The following TOP1 variants were observed in gnomAD, a reference collection of about 807,000 sequenced individuals.
The protein encoded by TOP1 is DNA topoisomerase I.
In TOP1, 10 loss-of-function variants were observed where a neutral mutation model predicts 111.1. The observed-to-expected ratio is 0.09, with a 90% CI of 0.06 to 0.15. The LOEUF (loss-of-function observed/expected upper bound fraction) is 0.15. TOP1 is among the 10% of genes least tolerant of loss of function. The probability of loss-of-function intolerance (pLI) is 1.00; values close to 1 mark genes in which losing one functional copy is unlikely to be tolerated. For synonymous variants in TOP1, 271 were observed against 302.9 expected (o/e 0.89, Z 1.10); for missense variants, 474 against 926.7 (o/e 0.51, Z 6.34).
At position 41,080,139 on chromosome 20, in the gene TOP1, A is replaced by G; in HGVS notation, c.390A>G (p.Lys130=). 6.2e-7 allele frequency: 1 copy of G among 1,611,602 alleles called. No homozygotes were observed. Among genetic ancestry groups the G allele is most frequent in the South Asian group, 1.1e-5 (1 of 90,760 alleles). ...ATGATGGCTATTTTGTTCCTCCTAAAGAGGATATAAAGCCATTAAAGAGAC... is the reference window on the plus strand; with the variant it reads ...ATGATGGCTATTTTGTTCCTCCTAAGGAGGATATAAAGCCATTAAAGAGAC... ...PEDDGYFVPP[K]EDIKPLKRPR... is the part of the protein sequence containing the mutation. The change falls in exon 6 of 21, where the codon AAA becomes AAG. Residue 130 remains lysine, a synonymous_variant. Coordinates refer to ENST00000361337, the MANE Select transcript of TOP1 (RefSeq NM_003286.4). The surrounding 1 kb of genome is among the most constrained non-coding windows in gnomAD (Gnocchi z 5.0).
rs554655491 is a variant in TOP1 at position 41,080,240 on chromosome 20, ATG to A, written c.431+63_431+64del. ...CAAAAAGGAGGAGTTTAAAGAATAA[ATG>A]TGATGTGTTTCTTTATAATACATAT... is the stretch of plus-strand genomic sequence containing the variant. On this transcript the variant is annotated intron_variant, in intron 6 of 20. Transcript: ENST00000361337. The surrounding 1 kb of genome is among the most constrained non-coding windows in gnomAD (Gnocchi z 5.0). 68 of 1,018,774 alleles carry A rather than the reference ATG, an allele frequency of 6.7e-5. No individual in the cohort carries two copies. The South Asian group carries it at 9.5e-4, about 14-fold the overall frequency. 63.1% of individuals were successfully genotyped at this position (1,018,774 alleles called of 1,614,324 possible).
rs1305239508 is a variant in TOP1, at chr20:41,030,797, A to G, written c.58+1342A>G. 6.6e-6 allele frequency among the ~76,000 whole-genome samples: 1 copy of G among 152,176 alleles called. No homozygotes were observed. Among genetic ancestry groups the G allele is most frequent in the Non-Finnish European group, 1.5e-5 (1 of 68,036 alleles). On this transcript the variant is annotated intron_variant, in intron 2 of 20. Coordinates refer to ENST00000361337, the MANE Select transcript of TOP1 (RefSeq NM_003286.4). The surrounding 1 kb of genome is among the most constrained non-coding windows in gnomAD (Gnocchi z 4.1). ...ATGTTAGCCTGCTCTACTGAGAGCA[A>G]CCTTATGTTCAGAGTTTGAAGTGGG...
In TOP1 at chr20:41,055,907, C is replaced by T. The variant is rs544254889; in HGVS notation, c.59-5487C>T. Among the ~76,000 whole-genome samples, 4 of 152,272 alleles carry T rather than the reference C, an allele frequency of 2.6e-5. No homozygotes were observed. In the South Asian group the frequency reaches 6.2e-4, roughly 24 times the overall value. ...GGCCAGTCTTCTTGCCATGCCCTCA[C>T]ATAATAACACAAAAATGAAGGGTTG... On this transcript the variant is annotated intron_variant, in intron 2 of 20. Transcript: ENST00000361337.
rs2034296629 is a variant in TOP1 at position 41,114,440 on chromosome 20, TA to T, written c.1638+290del. Among the ~76,000 whole-genome samples the T allele has an allele frequency of 6.6e-6, 1 of 152,190 alleles. No homozygotes were observed. The highest frequency in any genetic ancestry group is 6.5e-5 in the Admixed American group (1 of 15,286). On this transcript the variant is annotated intron_variant, in intron 15 of 20. Coordinates refer to ENST00000361337, the MANE Select transcript of TOP1 (RefSeq NM_003286.4). The surrounding 1 kb of genome is among the most constrained non-coding windows in gnomAD (Gnocchi z 4.5). Reference sequence around the variant, plus strand: ...ACCTTGCCTCTCATATTAAAATAAATAAAAATAAATGACTTGAAAGAGGGGA... The same window carrying T: ...ACCTTGCCTCTCATATTAAAATAAATAAAATAAATGACTTGAAAGAGGGGA...
chr20:41,063,734 C>T lies in TOP1; in HGVS notation c.155+2244C>T, dbSNP rs117665991. Among the ~76,000 whole-genome samples the T allele has an allele frequency of 6.8e-3, 1,040 of 152,082 alleles. 12 individuals carry two copies. The highest frequency in any genetic ancestry group is 0.022 in the East Asian group (116 of 5,172). ...ATACATTTGTTGGCCATTTGTATGT[C>T]ATCTTTTGAGAAATGTCTGTTCATG... On this transcript the variant is annotated intron_variant, in intron 3 of 20. Coordinates refer to ENST00000361337, the MANE Select transcript of TOP1 (RefSeq NM_003286.4).
chr20:41,099,549 C>G lies in TOP1; in HGVS notation c.976-507C>G, dbSNP rs770736154. 4.6e-5 allele frequency among the ~76,000 whole-genome samples: 7 copies of G among 152,232 alleles called. No homozygotes were observed. In the South Asian group the frequency reaches 1.5e-3, roughly 32 times the overall value. Reference sequence around the variant, plus strand: ...AGGCTCAAAATCTCCCCCACCATCCCTCACCTTTTTGGAGCAAGGATCATA... The same window carrying G: ...AGGCTCAAAATCTCCCCCACCATCCGTCACCTTTTTGGAGCAAGGATCATA... On this transcript the variant is annotated intron_variant, in intron 11 of 20. Coordinates refer to ENST00000361337, the MANE Select transcript of TOP1 (RefSeq NM_003286.4).
rs904461436 is a variant in TOP1 at position 41,098,414 on chromosome 20, T to C, written c.975+77T>C. ...CATTTAACTTTCTTCTTGGTTCTTA[T>C]GACACAACATTAACATCAGTAATTT... On this transcript the variant is annotated intron_variant, in intron 11 of 20. Transcript: ENST00000361337. This position sits in a 1 kb window ranked among gnomAD's most constrained non-coding sequence, Gnocchi z 5.7. 3.4e-6 allele frequency: 5 copies of C among 1,452,600 alleles called. No homozygotes were observed. Among genetic ancestry groups the C allele is most frequent in the Non-Finnish European group, 4.8e-6 (5 of 1,052,426 alleles). 90.0% of individuals were successfully genotyped at this position (1,452,600 alleles called of 1,614,324 possible).
chr20:41,116,684 C>T lies in TOP1; in HGVS notation c.1822+292C>T, dbSNP rs1342642338. 1.3e-5 allele frequency among the ~76,000 whole-genome samples: 2 copies of T among 152,118 alleles called. No individual in the cohort carries two copies. Among genetic ancestry groups the T allele is most frequent in the African/African-American group, 4.8e-5 (2 of 41,420 alleles). On this transcript the variant is annotated intron_variant, in intron 17 of 20. Transcript: ENST00000361337. This position sits in a 1 kb window ranked among gnomAD's most constrained non-coding sequence, Gnocchi z 5.6. ...TTTATACATATATTACTTAAAAGCC[C>T]ACAGAGTGAAGACAGTGCTGTGATG...
At chr20:41,089,057 C>CTA (rs1313998262) in intron 8 of TOP1, among the ~76,000 whole-genome samples, 11 of 84,532 alleles carry the variant, frequency 1.3e-4, no homozygotes, top group Non-Finnish European at 4.1e-5. Flanking sequence ...CAGAGTCTCG[C>CTA]TCTGTCGCCC....
rs955546225 is a variant in TOP1, at chr20:41,118,939, A to G, written c.1950+643A>G. ...TGAGCTTTTAAACCATAAGGCACTT[A>G]ACATTTGATGATGAACATTTTTGTG... On this transcript the variant is annotated intron_variant, in intron 18 of 20. Coordinates refer to ENST00000361337, the MANE Select transcript of TOP1 (RefSeq NM_003286.4). The surrounding 1 kb of genome is among the most constrained non-coding windows in gnomAD (Gnocchi z 4.6). 6.6e-6 allele frequency among the ~76,000 whole-genome samples: 1 copy of G among 152,218 alleles called. No homozygotes were observed. Among genetic ancestry groups the G allele is most frequent in the African/African-American group, 2.4e-5 (1 of 41,446 alleles).
rs373075562 is a variant in TOP1, at chr20:41,041,906, G to T, written c.58+12451G>T. Among the ~76,000 whole-genome samples, 236 of 149,428 alleles carry T rather than the reference G, an allele frequency of 1.6e-3. 1 individual carries two copies. The highest frequency in any genetic ancestry group is 4.7e-3 in the African/African-American group (184 of 39,018). On this transcript the variant is annotated intron_variant, in intron 2 of 20. Coordinates refer to ENST00000361337, the MANE Select transcript of TOP1 (RefSeq NM_003286.4). ...ACAGGGTGATGATGATGATGATGAT[G>T]ATTATTATTATTATTATTTGGAGAC...
At chr20:41,054,364 G>T (rs1277216370) in intron 2 of TOP1, among the ~76,000 whole-genome samples, 1 of 151,864 alleles carries the variant, frequency 6.6e-6, no homozygotes, top group East Asian at 1.9e-4. Context: ...GAAGAAGGAC[G>T]TGTTTGCTTC....
chr20:41,098,163 A>C lies in TOP1; in HGVS notation c.853-52A>C. 6.3e-7 allele frequency: 1 copy of C among 1,591,506 alleles called. No homozygotes were observed. The highest frequency in any genetic ancestry group is 1.1e-5 in the South Asian group (1 of 90,404). On this transcript the variant is annotated intron_variant, in intron 10 of 20. Transcript: ENST00000361337. The surrounding 1 kb of genome is among the most constrained non-coding windows in gnomAD (Gnocchi z 5.7). ...TATTTGCAAAGAAACCCAAGGACTT[A>C]TTAGTGTATTTTCGTTGTTTTTCTT...
At position 41,069,821 on chromosome 20, in the gene TOP1, A is replaced by G. The variant is rs1189194195; in HGVS notation, c.156-6350A>G. Among the ~76,000 whole-genome samples, 1 of 152,180 alleles carries G rather than the reference A, an allele frequency of 6.6e-6. No homozygotes were observed. Among genetic ancestry groups the G allele is most frequent in the Non-Finnish European group, 1.5e-5 (1 of 68,042 alleles). On this transcript the variant is annotated intron_variant, in intron 3 of 20. Transcript: ENST00000361337. This position sits in a 1 kb window ranked among gnomAD's most constrained non-coding sequence, Gnocchi z 4.1. ...CCATAATCATTGTTTTTAAGATTTC[A>G]TGGTGGAGACAGCATTTGAGCTAGC...
intron 7 of TOP1, among the ~76,000 whole-genome samples, chr20:41,081,864 C>A (rs2033792888): frequency 6.6e-6 from 1 of 152,206 alleles, no homozygotes; most frequent in African/African-American, 2.4e-5. Context: ...CTATCTGGAA[C>A]ACACATGCTC....
Position 41,100,302 on chromosome 20 carries a change from C to T in TOP1, c.1163+59C>T. 1 of 1,431,726 alleles carries T rather than the reference C, an allele frequency of 7.0e-7. No individual in the cohort carries two copies. The highest frequency in any genetic ancestry group is 9.6e-7 in the Non-Finnish European group (1 of 1,039,166). The allele number at this position is 1,431,726 out of a possible 1,614,324, so 88.7% of individuals were successfully genotyped here. On this transcript the variant is annotated intron_variant, in intron 12 of 20. Coordinates refer to ENST00000361337, the MANE Select transcript of TOP1 (RefSeq NM_003286.4). This position sits in a 1 kb window ranked among gnomAD's most constrained non-coding sequence, Gnocchi z 4.4. The stretch of plus-strand genomic sequence containing the variant: ...GGGGTGGAGGGCGTCCTTTATTGTA[C>T]TTGGGAATATTTCCCAGGTTACACA...
In TOP1 at chr20:41,030,131, G is replaced by A. The variant is rs1369214909; in HGVS notation, c.58+676G>A. Among the ~76,000 whole-genome samples the A allele has an allele frequency of 2.6e-5, 4 of 151,840 alleles. No homozygotes were observed. In the East Asian group the frequency reaches 7.7e-4, roughly 29 times the overall value. Reference sequence around the variant, plus strand: ...TTCCAGGTTGTTTTTCCCAAGTTACGTTCTTTGCAAAGGTAGCAGTACCTC... The same window carrying A: ...TTCCAGGTTGTTTTTCCCAAGTTACATTCTTTGCAAAGGTAGCAGTACCTC... On this transcript the variant is annotated intron_variant, in intron 2 of 20. Coordinates refer to ENST00000361337, the MANE Select transcript of TOP1 (RefSeq NM_003286.4). This position sits in a 1 kb window ranked among gnomAD's most constrained non-coding sequence, Gnocchi z 4.1.
Position 41,115,847 on chromosome 20 carries a change from C to T in TOP1, c.1707+408C>T, listed in dbSNP as rs1281970656. ...GGCTTGGTGGCTTACGCCTGTTATC[C>T]CAGCACTTTGAGAGGTCAAGTAGGG... On this transcript the variant is annotated intron_variant, in intron 16 of 20. Transcript: ENST00000361337. This position sits in a 1 kb window ranked among gnomAD's most constrained non-coding sequence, Gnocchi z 6.3. Among the ~76,000 whole-genome samples, 1 of 152,146 alleles carries T rather than the reference C, an allele frequency of 6.6e-6. No homozygotes were observed. Among genetic ancestry groups the T allele is most frequent in the Non-Finnish European group, 1.5e-5 (1 of 68,028 alleles).
At chr20:41,056,588 C>G (rs1024415061) in intron 2 of TOP1, among the ~76,000 whole-genome samples, 3 of 152,170 alleles carry the variant, frequency 2.0e-5, no homozygotes, top group Admixed American at 6.5e-5. Flanking sequence ...CCCAAGCAGT[C>G]TTCCCACCTC....
Sources: gnomAD v4.1 joint callset for allele counts (sites outside exome capture counted in the v4.1 genomes callset) on GRCh38, gnomAD v4.1.1 for gene constraint, Gnocchi (gnomAD v3.1) non-coding constraint, MANE v1.5 for transcripts, NCBI Gene and HGNC (gene_info 2026-07-23, HGNC 2026-07-21) for gene names.